Variants in RAB10 observed in about 807,000 individuals in gnomAD.
RAB10 encodes the protein RAB10, member RAS oncogene family.
Under a neutral mutation model 25.7 loss-of-function variants are expected in RAB10, and 5 were observed. The ratio of observed to expected loss-of-function variants is 0.19; its 90% CI spans 0.10 to 0.41. The LOEUF (loss-of-function observed/expected upper bound fraction) is 0.41, where lower values mean the gene tolerates loss of function less well. RAB10 is among the 10% of genes least tolerant of loss of function. The pLI is 1.00. For synonymous variants in RAB10, 89 were observed against 86.4 expected (o/e 1.03, Z -0.16); for missense variants, 103 against 245.8 (o/e 0.42, Z 3.89).
chr2:26,072,414 A>G (rs542740958), intron 1 of RAB10, among the ~76,000 whole-genome samples: 1 of 151,816 alleles, frequency 6.6e-6, no homozygotes, highest in Non-Finnish European at 1.5e-5. Context: ...GACTCCATCT[A>G]AAAAATACAT....
chr2:26,064,193 AAT>A (rs1157421324), intron 1 of RAB10, among the ~76,000 whole-genome samples: 1 of 152,234 alleles, frequency 6.6e-6, no homozygotes, highest in Non-Finnish European at 1.5e-5. Flanking sequence ...TCCCCTTTGT[AAT>A]TAATAAATAA....
chr2:26,098,637 G>A, intron 1 of RAB10, 25 bp from the exon 2 acceptor site: 1 of 1,530,460 alleles, frequency 6.5e-7, no homozygotes, highest in Non-Finnish European at 9.0e-7. Context: ...CACAGTTACA[G>A]TTTACCTTTT....
At chr2:26,090,537 C>T (rs4665304) in intron 1 of RAB10, among the ~76,000 whole-genome samples, 109,226 of 148,628 alleles carry the variant, frequency 0.73, 40,546 homozygotes, top group East Asian at 0.87. Context: ...GTCACTTTCT[C>T]TGTTCTTTTT....
intron 1 of RAB10, among the ~76,000 whole-genome samples, chr2:26,097,314 C>T (rs1469106374): frequency 6.6e-6 from 1 of 152,158 alleles, no homozygotes; most frequent in Non-Finnish European, 1.5e-5. Flanking sequence ...CACTCTGTCG[C>T]CCAGGCTGGA....
At chr2:26,128,711 C>G (rs1038068409) in intron 5 of RAB10, among the ~76,000 whole-genome samples, 4 of 152,092 alleles carry the variant, frequency 2.6e-5, no homozygotes, top group Non-Finnish European at 4.4e-5. Context: ...ATATTCTGTA[C>G]GTACTGAATA....
At chr2:26,081,389 A>G (rs1666865595) in intron 1 of RAB10, among the ~76,000 whole-genome samples, 1 of 152,194 alleles carries the variant, frequency 6.6e-6, no homozygotes, top group South Asian at 2.1e-4. Context: ...CCCAAAATGC[A>G]AACAAACCTA....
intron 1 of RAB10, among the ~76,000 whole-genome samples, chr2:26,037,489 A>G (rs570521619): frequency 1.2e-4 from 19 of 152,082 alleles, no homozygotes; most frequent in African/African-American, 4.1e-4. Context: ...AAATACAAAA[A>G]TTATCTGGGC....
intron 3 of RAB10, among the ~76,000 whole-genome samples, chr2:26,124,387 T>A: frequency 7.8e-6 from 1 of 127,548 alleles, no homozygotes; most frequent in Non-Finnish European, 1.6e-5. Flanking sequence ...TTGTTGTTGT[T>A]GCTTTTTTTT....
At chr2:26,085,488 C>CA (rs530578914) in intron 1 of RAB10, among the ~76,000 whole-genome samples, 1,851 of 81,528 alleles carry the variant, frequency 0.023, 37 homozygotes, top group African/African-American at 0.06. Context: ...GACTGTGTCT[C>CA]AAAAAAAAAA....
chr2:26,128,823 A>G (rs997653565), intron 5 of RAB10, among the ~76,000 whole-genome samples: 4 of 108,860 alleles, frequency 3.7e-5, no homozygotes, highest in East Asian at 3.0e-4. Flanking sequence ...GTGACTCTCA[A>G]TATTTGCTAG....
In RAB10 at chr2:26,127,964, T is replaced by G; in HGVS notation, c.519+13T>G. On this transcript the variant is annotated intron_variant, in intron 5 of 5. Transcript: ENST00000264710. ...TATCCTTCGAAAGGTAAGTTCCTGT[T>G]TTTATATCCTGCCAGGTACCTGAGT... 6.5e-7 allele frequency: 1 copy of G among 1,545,524 alleles called. No homozygotes were observed. The highest frequency in any genetic ancestry group is 1.4e-5 in the African/African-American group (1 of 73,406).
intron 1 of RAB10, among the ~76,000 whole-genome samples, chr2:26,077,036 G>C (rs1342858426): frequency 1.3e-5 from 2 of 151,386 alleles, no homozygotes; most frequent in Non-Finnish European, 2.9e-5. Context: ...GGAACTCAAG[G>C]AATTAATTAC....
intron 1 of RAB10, among the ~76,000 whole-genome samples, chr2:26,055,662 T>A (rs1233425390): frequency 6.6e-6 from 1 of 152,108 alleles, no homozygotes; most frequent in Non-Finnish European, 1.5e-5. Flanking sequence ...GTCCTGGAAT[T>A]ACAGGTGTGA....
At chr2:26,057,715 C>A (rs1262805084) in intron 1 of RAB10, among the ~76,000 whole-genome samples, 6 of 151,794 alleles carry the variant, frequency 4.0e-5, no homozygotes, top group Non-Finnish European at 5.9e-5. Context: ...CTTCATCTCC[C>A]GAGTTCAAGT....
intron 1 of RAB10, among the ~76,000 whole-genome samples, chr2:26,070,801 T>C (rs1238196740): frequency 4.6e-5 from 7 of 152,238 alleles, no homozygotes; most frequent in Non-Finnish European, 8.8e-5. Flanking sequence ...GTATGGCATG[T>C]AAATTCTCAC....
rs1032987156 is a variant in RAB10 at position 26,034,464 on chromosome 2, C to A, written c.-145C>A. 6 of 1,109,160 alleles carry A rather than the reference C, an allele frequency of 5.4e-6. No individual in the cohort carries two copies. Among genetic ancestry groups the A allele is most frequent in the Non-Finnish European group, 7.6e-6 (6 of 789,966 alleles). 68.7% of individuals were successfully genotyped at this position (1,109,160 alleles called of 1,614,324 possible). A position where few individuals can be genotyped will look rare whatever the true frequency, so the allele number is the denominator to read the frequency against. On this transcript the variant is annotated 5_prime_UTR_variant, in exon 1 of 6. Transcript: ENST00000264710. ...CTGTCGGGGCTTCCTCAAAGCTGTT[C>A]GTAGGTCGCCCGCGCCGTCTCGAGC...
At chr2:26,043,394 G>A (rs904014632) in intron 1 of RAB10, among the ~76,000 whole-genome samples, 11 of 152,288 alleles carry the variant, frequency 7.2e-5, no homozygotes, top group East Asian at 5.8e-4. Context: ...CTGTACTCCA[G>A]CCTGGATGAC....
chr2:26,115,713 A>G (rs941765267), intron 3 of RAB10, among the ~76,000 whole-genome samples: 3 of 152,222 alleles, frequency 2.0e-5, no homozygotes, highest in African/African-American at 7.2e-5. Context: ...GTATATTTTT[A>G]CAGGGTGAAT....
chr2:26,105,643 A>G (rs1462732756), intron 2 of RAB10, among the ~76,000 whole-genome samples: 1 of 152,178 alleles, frequency 6.6e-6, no homozygotes, highest in Non-Finnish European at 1.5e-5. Context: ...CCGTCTCAGG[A>G]AAAAAATAAA....
Sources: allele counts gnomAD v4.1 joint callset (sites outside exome capture counted in the v4.1 genomes callset), GRCh38; gene constraint gnomAD v4.1.1; transcripts MANE v1.5; gene names NCBI Gene and HGNC (gene_info 2026-07-23, HGNC 2026-07-21).